The following ME3 variants were observed in gnomAD, a reference collection of about 807,000 sequenced individuals.
The protein encoded by ME3 is malic enzyme 3, also known as NADP-dependent malic enzyme, mitochondrial.
In ME3, 48 loss-of-function variants were observed where a neutral mutation model predicts 68.9. That is an observed-to-expected ratio of 0.70 (90% CI 0.55 to 0.89). The LOEUF is 0.89. ME3 is among the 40% of genes least tolerant of loss of function. The probability of loss-of-function intolerance (pLI) is 0.00; values close to 1 mark genes in which losing one functional copy is unlikely to be tolerated. For synonymous variants in ME3, 320 were observed against 318.8 expected (o/e 1.00, Z -0.04); for missense variants, 675 against 797.4 (o/e 0.85, Z 1.85).
rs1020597972 is a variant in ME3 at position 86,464,397 on chromosome 11, A to G, written c.919+694T>C. Among the ~76,000 whole-genome samples the G allele has an allele frequency of 9.2e-5, 14 of 152,216 alleles. No individual in the cohort carries two copies. The East Asian group carries it at 9.6e-4, about 10-fold the overall frequency. ...ACTGGTAACTCCACAGTAAGAAGCA[A>G]GTACCTTCAGATATTTCTGGGTCAC... On this transcript the variant is annotated intron_variant, in intron 8 of 14. Coordinates refer to ENST00000543262, the Ensembl canonical transcript of ME3.
At chr11:86,574,500 T>G (rs1442823291) in intron 2 of ME3, among the ~76,000 whole-genome samples, 2 of 151,916 alleles carry the variant, frequency 1.3e-5, no homozygotes, top group Non-Finnish European at 2.9e-5. Context: ...CTTCTGCAGG[T>G]CTACTGCAGT....
At chr11:86,652,294 A>T (rs972979106) in intron 2 of ME3, among the ~76,000 whole-genome samples, 1 of 152,226 alleles carries the variant, frequency 6.6e-6, no homozygotes, top group Non-Finnish European at 1.5e-5. Context: ...CATAATTGTC[A>T]GATTCACCAA....
chr11:86,582,054 G>A (rs1337914290), intron 2 of ME3, among the ~76,000 whole-genome samples: 3 of 152,220 alleles, frequency 2.0e-5, no homozygotes, highest in Non-Finnish European at 4.4e-5. Context: ...AACCAAATCT[G>A]ATAATTTTCT....
chr11:86,537,119 C>T (rs1955726505), intron 4 of ME3, among the ~76,000 whole-genome samples: 1 of 145,872 alleles, frequency 6.9e-6, no homozygotes, highest in Non-Finnish European at 1.5e-5. Flanking sequence ...GGGAATATCA[C>T]ACTCTGGGGA....
At chr11:86,500,432 C>T (rs969719445) in intron 5 of ME3, among the ~76,000 whole-genome samples, 1 of 152,240 alleles carries the variant, frequency 6.6e-6, no homozygotes, top group African/African-American at 2.4e-5. Context: ...CACCCGCAAT[C>T]CTACCATGGT....
chr11:86,598,453 A>G (rs565115655), intron 2 of ME3, among the ~76,000 whole-genome samples: 1 of 152,224 alleles, frequency 6.6e-6, no homozygotes, highest in Non-Finnish European at 1.5e-5. Context: ...CAGGAAGCTC[A>G]AACTGGGTGG....
At chr11:86,519,945 C>G (rs1174815993) in intron 4 of ME3, among the ~76,000 whole-genome samples, 1 of 152,218 alleles carries the variant, frequency 6.6e-6, no homozygotes, top group Non-Finnish European at 1.5e-5. Flanking sequence ...ATGGGGTGGC[C>G]ACAGACAACT....
In ME3 at chr11:86,448,227, TC is replaced by T; in HGVS notation, c.1159del (p.Glu387ArgfsTer17). The T allele has an allele frequency of 6.2e-7, 1 of 1,614,102 alleles. No homozygotes were observed. Among genetic ancestry groups the T allele is most frequent in the Non-Finnish European group, 8.5e-7 (1 of 1,179,998 alleles). On this transcript the variant is annotated frameshift_variant, in exon 11 of 15. Coordinates refer to ENST00000543262, the Ensembl canonical transcript of ME3. LOFTEE classifies it high-confidence loss of function. ...TTCAGGATGGTCTTGGGCAAACATC[TC>T]CTTTTCATGGTTCAGGTGGCTCCTC...
At chr11:86,622,051 C>T (rs888440481) in intron 2 of ME3, among the ~76,000 whole-genome samples, 2 of 151,896 alleles carry the variant, frequency 1.3e-5, no homozygotes, top group Admixed American at 1.3e-4. Context: ...CAGGCCTCAG[C>T]GAGGAGTGTC....
intron 6 of ME3, among the ~76,000 whole-genome samples, chr11:86,488,615 C>T (rs574534419): frequency 3.3e-5 from 5 of 152,274 alleles, no homozygotes; most frequent in African/African-American, 7.2e-5. Context: ...TCTGTGTGTG[C>T]GTTGGTGTGA....
At chr11:86,660,304 A>G (rs1324226807) in intron 2 of ME3, among the ~76,000 whole-genome samples, 1 of 152,184 alleles carries the variant, frequency 6.6e-6, no homozygotes, top group African/African-American at 2.4e-5. Flanking sequence ...TACCAGATGT[A>G]AACTCTATCA....
chr11:86,457,471 T>C, intron 8 of ME3: 2 of 1,032,352 alleles, frequency 1.9e-6, no homozygotes, highest in Non-Finnish European at 2.4e-6. Context: ...GTTGCCCATT[T>C]TTTTCCTTTG....
intron 6 of ME3, 94 bp from the exon 7 acceptor site, chr11:86,487,534 A>C (rs1951765360): frequency 4.0e-6 from 4 of 992,730 alleles, no homozygotes; most frequent in South Asian, 1.4e-5. Flanking sequence ...GAAGAACCAG[A>C]AGGTGGGAGG....
chr11:86,442,987 T>C, intron 13 of ME3, 68 bp from the exon 14 acceptor site: 2 of 1,304,824 alleles, frequency 1.5e-6, no homozygotes, highest in Non-Finnish European at 2.2e-6. Flanking sequence ...GCCCAACCCG[T>C]TACCCCAGAG....
At chr11:86,626,409 T>TA (rs1326317541) in intron 2 of ME3, among the ~76,000 whole-genome samples, 1 of 152,108 alleles carries the variant, frequency 6.6e-6, no homozygotes, top group Non-Finnish European at 1.5e-5. Flanking sequence ...AGTGAACAGT[T>TA]TTTCTGCTAT....
intron 10 of ME3, among the ~76,000 whole-genome samples, chr11:86,449,130 A>G (rs1328837383): frequency 1.3e-5 from 2 of 152,204 alleles, no homozygotes; most frequent in Admixed American, 6.5e-5. Flanking sequence ...TTCTTGGTCA[A>G]TGTCCTTATG....
intron 2 of ME3, among the ~76,000 whole-genome samples, chr11:86,603,865 T>C (rs1176714991): frequency 6.8e-6 from 1 of 146,150 alleles, no homozygotes; most frequent in Non-Finnish European, 1.5e-5. Flanking sequence ...AAGCACCGCA[T>C]GTTCTCACTC....
chr11:86,549,579 C>A (rs190604883), intron 4 of ME3, among the ~76,000 whole-genome samples: 14 of 152,306 alleles, frequency 9.2e-5, no homozygotes, highest in African/African-American at 3.4e-4. Flanking sequence ...CCCGGCCACA[C>A]GGGGTACACG....
chr11:86,506,510 G>T (rs1241847437), intron 5 of ME3, among the ~76,000 whole-genome samples: 1 of 152,166 alleles, frequency 6.6e-6, no homozygotes, highest in Non-Finnish European at 1.5e-5. Context: ...CTGAAATTGA[G>T]TCCATGATCC....
Sources: allele counts gnomAD v4.1 joint callset (sites outside exome capture counted in the v4.1 genomes callset), GRCh38; gene constraint gnomAD v4.1.1; transcripts MANE v1.5; gene names NCBI Gene and HGNC (gene_info 2026-07-23, HGNC 2026-07-21).